Variants in SLC9D1 observed in about 807,000 individuals in gnomAD.
The protein encoded by SLC9D1 is solute carrier family 9 member D1, also known as putative LAG1-interacting protein.
chr13:113,513,123 C>T, the SLC9D1 span, among the ~76,000 whole-genome samples: 2 of 152,168 alleles, frequency 1.3e-5, no homozygotes, highest in African/African-American at 4.8e-5. Flanking sequence ...GCAGAAAAGA[C>T]AGGTGGTTTA....
chr13:113,536,362 TAAAA>T, the SLC9D1 span, among the ~76,000 whole-genome samples: 22 of 152,264 alleles, frequency 1.4e-4, no homozygotes, highest in African/African-American at 4.1e-4. Flanking sequence ...AGTTTCCATT[TAAAA>T]AAAGTAAATT....
chr13:113,506,558 A>AGTGTGT, the SLC9D1 span, among the ~76,000 whole-genome samples: 35 of 109,860 alleles, frequency 3.2e-4, no homozygotes, highest in African/African-American at 1.2e-3. Context: ...TGTGTGTGTG[A>AGTGTGT]GTGTGTGTGT....
chr13:113,494,640 A>G, the SLC9D1 span, among the ~76,000 whole-genome samples: 5 of 147,878 alleles, frequency 3.4e-5, no homozygotes, highest in Non-Finnish European at 7.4e-5. Flanking sequence ...AGTTCTAGAG[A>G]TCTAGGTATT....
the SLC9D1 span, among the ~76,000 whole-genome samples, chr13:113,511,589 C>T: frequency 2.0e-5 from 3 of 152,202 alleles, no homozygotes; most frequent in Non-Finnish European, 4.4e-5. Flanking sequence ...AGACGCTGGA[C>T]GGGTGGCCCC....
the SLC9D1 span, chr13:113,529,997 A>G: frequency 6.6e-6 from 1 of 152,268 alleles, no homozygotes; most frequent in Non-Finnish European, 1.5e-5. Flanking sequence ...TAACAGGTAG[A>G]TATACAAAAC....
At chr13:113,496,085 G>T in the SLC9D1 span, 1 of 1,132,154 alleles carries the variant, frequency 8.8e-7, no homozygotes, top group South Asian at 1.5e-5. Flanking sequence ...GAAGAGAGAG[G>T]GAGAGTGCGT....
the SLC9D1 span, chr13:113,520,674 C>G: frequency 6.2e-7 from 1 of 1,614,080 alleles, no homozygotes; most frequent in Non-Finnish European, 8.5e-7. Context: ...ACGTGCAGCT[C>G]GGGCTCTTCA....
the SLC9D1 span, chr13:113,547,070 A>C: frequency 1.9e-6 from 1 of 529,784 alleles, no homozygotes; most frequent in South Asian, 2.1e-5. Flanking sequence ...CAGGGAGTGG[A>C]GCTGGGATCC....
the SLC9D1 span, among the ~76,000 whole-genome samples, chr13:113,536,805 A>G: frequency 2.0e-5 from 3 of 152,146 alleles, no homozygotes; most frequent in South Asian, 2.1e-4. Flanking sequence ...AGGTGCTTTC[A>G]CTGCTGATGA....
chr13:113,518,759 T>A, the SLC9D1 span, among the ~76,000 whole-genome samples: 1 of 152,236 alleles, frequency 6.6e-6, no homozygotes, highest in South Asian at 2.1e-4. Context: ...GAGGCAATTT[T>A]ATCATCTCCT....
the SLC9D1 span, chr13:113,549,660 G>A: frequency 2.5e-5 from 28 of 1,120,246 alleles, no homozygotes; most frequent in Admixed American, 1.7e-4. Context: ...CTAGCAGAGC[G>A]TCAGTGCAGT....
the SLC9D1 span, among the ~76,000 whole-genome samples, chr13:113,516,761 G>A: frequency 6.6e-6 from 1 of 151,942 alleles, no homozygotes; most frequent in African/African-American, 2.4e-5. Flanking sequence ...CCCAACCCTC[G>A]AAGGAGTCCA....
chr13:113,545,566 C>A, the SLC9D1 span, among the ~76,000 whole-genome samples: 3 of 152,214 alleles, frequency 2.0e-5, no homozygotes, highest in South Asian at 2.1e-4. Flanking sequence ...TCACTCCCCC[C>A]ACCCCCACTC....
At chr13:113,495,799 C>A in the SLC9D1 span, 1 of 1,614,074 alleles carries the variant, frequency 6.2e-7, no homozygotes, top group South Asian at 1.1e-5. Flanking sequence ...AAACTGAAAA[C>A]TGCAATTGGA....
the SLC9D1 span, among the ~76,000 whole-genome samples, chr13:113,517,464 G>A: frequency 1.4e-4 from 21 of 152,180 alleles, no homozygotes; most frequent in South Asian, 4.2e-4. Flanking sequence ...TCCTGACCTC[G>A]TGATCCGCCC....
chr13:113,507,377 C>T, the SLC9D1 span, among the ~76,000 whole-genome samples: 1 of 152,142 alleles, frequency 6.6e-6, no homozygotes, highest in Non-Finnish European at 1.5e-5. Flanking sequence ...TTTAGAATAA[C>T]CTGAGATACC....
At chr13:113,531,751 T>C in the SLC9D1 span, among the ~76,000 whole-genome samples, 2 of 152,244 alleles carry the variant, frequency 1.3e-5, no homozygotes, top group South Asian at 4.1e-4. Flanking sequence ...CAAGCCGGAA[T>C]CCTGAGAAAC....
chr13:113,495,909 G>A, the SLC9D1 span: 22 of 1,614,044 alleles, frequency 1.4e-5, no homozygotes, highest in Admixed American at 1.7e-5. Context: ...TGAAAATTCC[G>A]TTTTCCAAGC....
chr13:113,549,365 C>A, the SLC9D1 span: 2 of 1,586,312 alleles, frequency 1.3e-6, no homozygotes, highest in South Asian at 2.3e-5. Flanking sequence ...CCTGTGCTTT[C>A]CTGTTGCAGG....
Sources: gnomAD v4.1 joint callset for allele counts (sites outside exome capture counted in the v4.1 genomes callset) on GRCh38, gnomAD v4.1.1 for gene constraint, MANE v1.5 for transcripts, NCBI Gene and HGNC (gene_info 2026-07-23, HGNC 2026-07-21) for gene names.